SLC14A2: variants seen among roughly 807,000 people sequenced by gnomAD.
The protein encoded by SLC14A2 is solute carrier family 14 member 2, also known as urea transporter 2.
A neutral mutation model predicts 104.6 loss-of-function variants in SLC14A2; 91 were observed. The observed-to-expected ratio is 0.87, with a 90% CI of 0.73 to 1.04. The LOEUF is 1.04. SLC14A2 is among the 50% of genes least tolerant of loss of function. The probability of loss-of-function intolerance (pLI) is 0.00; values close to 1 mark genes in which losing one functional copy is unlikely to be tolerated. For missense variants in SLC14A2, 1,189 were observed against 1,156.0 expected (o/e 1.03, Z -0.41); for synonymous variants, 476 against 466.4 (o/e 1.02, Z -0.27).
At chr18:45,552,747 G>C (rs1002655133) in intron 2 of SLC14A2, among the ~76,000 whole-genome samples, 1 of 152,190 alleles carries the variant, frequency 6.6e-6, no homozygotes, top group African/African-American at 2.4e-5. Context: ...GATGGGCAGA[G>C]GGTAGCAGCC....
intron 3 of SLC14A2, among the ~76,000 whole-genome samples, 192 bp from the exon 4 acceptor site, chr18:45,626,766 G>T (rs2045262662): frequency 6.6e-6 from 1 of 152,030 alleles, no homozygotes; most frequent in Non-Finnish European, 1.5e-5. Context: ...ATGATTGCTG[G>T]GCTACTGAGA....
intron 4 of SLC14A2, among the ~76,000 whole-genome samples, chr18:45,632,085 AC>A (rs1383916125): frequency 6.6e-6 from 1 of 152,130 alleles, no homozygotes; most frequent in Non-Finnish European, 1.5e-5. Flanking sequence ...GAGCTTAACC[AC>A]AGACAAAGTG....
intron 1 of SLC14A2, among the ~76,000 whole-genome samples, chr18:45,287,999 G>A (rs1004349248): frequency 2.0e-5 from 3 of 152,196 alleles, no homozygotes; most frequent in Non-Finnish European, 4.4e-5. Context: ...CAGTGGCTTT[G>A]AGCAAGTTGC....
At chr18:45,302,947 C>G (rs77925322) in intron 1 of SLC14A2, among the ~76,000 whole-genome samples, 2 of 152,044 alleles carry the variant, frequency 1.3e-5, no homozygotes, top group Non-Finnish European at 2.9e-5. Context: ...GGGTAAAAGC[C>G]AGTCTTGCAT....
intron 1 of SLC14A2, among the ~76,000 whole-genome samples, chr18:45,332,484 AGG>A (rs2085300326): frequency 3.3e-5 from 5 of 152,166 alleles, no homozygotes; most frequent in Admixed American, 2.6e-4. Context: ...TATCCGTGGG[AGG>A]TCTTGCCCAA....
At chr18:45,385,682 G>T (rs2085887949) in intron 1 of SLC14A2, among the ~76,000 whole-genome samples, 1 of 152,156 alleles carries the variant, frequency 6.6e-6, no homozygotes, top group Non-Finnish European at 1.5e-5. Flanking sequence ...TAAGTGACTT[G>T]CTCAAGATGT....
chr18:45,366,932 G>T (rs1249265154), intron 1 of SLC14A2, among the ~76,000 whole-genome samples: 1 of 152,212 alleles, frequency 6.6e-6, no homozygotes, highest in African/African-American at 2.4e-5. Flanking sequence ...TAAGGGCAGG[G>T]CTGGGACTTA....
At chr18:45,396,648 TCC>T (rs2086035802) in intron 1 of SLC14A2, among the ~76,000 whole-genome samples, 1 of 148,510 alleles carries the variant, frequency 6.7e-6, no homozygotes. Flanking sequence ...TTTTCTTTTT[TCC>T]CTCTTTTTTC....
At chr18:45,555,903 C>A (rs1446132076) in intron 2 of SLC14A2, among the ~76,000 whole-genome samples, 3 of 152,216 alleles carry the variant, frequency 2.0e-5, no homozygotes, top group African/African-American at 7.2e-5. Context: ...AATTCCACAT[C>A]GTTGGCATTG....
At position 45,432,966 on chromosome 18, in the gene SLC14A2, C is replaced by T. The variant is rs566268348; in HGVS notation, c.-124-50267C>T. Among the ~76,000 whole-genome samples, 10 of 152,222 alleles carry T rather than the reference C, an allele frequency of 6.6e-5. No individual in the cohort carries two copies. The South Asian group carries it at 2.1e-3, about 32-fold the overall frequency. On this transcript the variant is annotated intron_variant, in intron 1 of 20. Coordinates refer to the SLC14A2 transcript ENST00000586448. The stretch of plus-strand genomic sequence containing the variant: ...ATGAGAGCCCAAAGGCCTATTTTGC[C>T]ACCACAGATTTGCTAACTGTTTTCT...
intron 5 of SLC14A2, among the ~76,000 whole-genome samples, chr18:45,636,750 G>T (rs553154977): frequency 2.6e-5 from 4 of 152,036 alleles, no homozygotes; most frequent in Non-Finnish European, 5.9e-5. Context: ...TTTCTCAGAG[G>T]TGTAAGCTTA....
chr18:45,317,994 C>T (rs974455569), intron 1 of SLC14A2, among the ~76,000 whole-genome samples: 2 of 152,244 alleles, frequency 1.3e-5, no homozygotes, highest in Admixed American at 6.5e-5. Context: ...GGAGCCCCAC[C>T]TCAAGAGCTC....
the SLC14A2 span, among the ~76,000 whole-genome samples, chr18:45,189,264 C>T: frequency 6.6e-6 from 1 of 152,188 alleles, no homozygotes; most frequent in African/African-American, 2.4e-5. Context: ...ATTATGACTT[C>T]TGCAACCCTG....
the SLC14A2 span, among the ~76,000 whole-genome samples, chr18:45,179,113 G>A: frequency 6.6e-6 from 1 of 152,154 alleles, no homozygotes; most frequent in Non-Finnish European, 1.5e-5. Flanking sequence ...AAATTTCCCA[G>A]GGAGTTTGCT....
chr18:45,273,597 G>A (rs1180315183), intron 1 of SLC14A2, among the ~76,000 whole-genome samples: 1 of 152,110 alleles, frequency 6.6e-6, no homozygotes, highest in African/African-American at 2.4e-5. Flanking sequence ...TTGTGGAAAG[G>A]AGTGGCCAAG....
intron 1 of SLC14A2, among the ~76,000 whole-genome samples, chr18:45,463,885 C>A (rs1378620566): frequency 6.6e-6 from 1 of 152,178 alleles, no homozygotes. Context: ...TTGATGAAAG[C>A]AGTGTCCCTG....
At chr18:45,594,666 C>T (rs1016596804) in intron 2 of SLC14A2, among the ~76,000 whole-genome samples, 5 of 152,162 alleles carry the variant, frequency 3.3e-5, no homozygotes, top group Non-Finnish European at 7.4e-5. Context: ...TGGCACCTTA[C>T]TTGTCTCTTC....
intron 1 of SLC14A2, among the ~76,000 whole-genome samples, chr18:45,309,653 G>A (rs1161216868): frequency 1.3e-5 from 2 of 152,218 alleles, no homozygotes; most frequent in East Asian, 3.9e-4. Context: ...GATAAAAAGT[G>A]CTCAGAGCAT....
chr18:45,539,480 A>G (rs2043851277), intron 2 of SLC14A2, among the ~76,000 whole-genome samples: 1 of 152,122 alleles, frequency 6.6e-6, no homozygotes, highest in Non-Finnish European at 1.5e-5. Context: ...TGGGACTTGC[A>G]AGGGCCTGGT....
Sources: allele counts gnomAD v4.1 joint callset (sites outside exome capture counted in the v4.1 genomes callset), GRCh38; gene constraint gnomAD v4.1.1; transcripts MANE v1.5; gene names NCBI Gene and HGNC (gene_info 2026-07-23, HGNC 2026-07-21).